The following CHRM3 variants were observed in gnomAD, a reference collection of about 807,000 sequenced individuals.
The protein encoded by CHRM3 is muscarinic acetylcholine receptor M3.
A neutral mutation model predicts 41.8 loss-of-function variants in CHRM3; 11 were observed. That is an observed-to-expected ratio of 0.26 (90% CI 0.17 to 0.44). The LOEUF (loss-of-function observed/expected upper bound fraction) is 0.44. Ranked by LOEUF, CHRM3 falls within the 20% of genes least tolerant of loss-of-function variation. CHRM3 has a pLI of 1.00. For synonymous variants in CHRM3, 297 were observed against 301.4 expected, an observed-to-expected ratio of 0.99 and a Z score of 0.15; for missense variants, 571 against 745.4, an observed-to-expected ratio of 0.77 and a Z score of 2.72.
In CHRM3 at chr1:239,471,799, C is replaced by T. The variant is rs1666138897; in HGVS notation, c.-520-20910C>T. On this transcript the variant is annotated intron_variant, in intron 1 of 6. Coordinates refer to ENST00000676153, the MANE Select transcript of CHRM3 (RefSeq NM_001375978.1). ...GAGGTCTGAGGTCTTGACTTCAGTT[C>T]CCATCAGAGACAGTGTGTCATGGGC... is the stretch of plus-strand genomic sequence containing the variant. Among the ~76,000 whole-genome samples, 3 of 152,250 alleles carry T rather than the reference C, an allele frequency of 2.0e-5. No individual in the cohort carries two copies. The South Asian group carries it at 6.2e-4, about 32-fold the overall frequency.
At position 239,387,923 on chromosome 1, in the gene CHRM3, A is replaced by G. The variant is rs551229577; in HGVS notation, c.-521+696A>G. 3.3e-5 allele frequency among the ~76,000 whole-genome samples: 5 copies of G among 152,260 alleles called. No individual in the cohort carries two copies. In the South Asian group the frequency reaches 1.0e-3, roughly 32 times the overall value. The stretch of plus-strand genomic sequence containing the variant: ...CTGCACCGGTTCTCCTCTTTGGAAC[A>G]CTTCCTCAGCATAGCCTCCTAATAG... On this transcript the variant is annotated intron_variant, in intron 1 of 6. Transcript: ENST00000676153. This position sits in a 1 kb window ranked among gnomAD's most constrained non-coding sequence, Gnocchi z 5.1.
At chr1:239,867,302 A>G (rs893005926) in intron 6 of CHRM3, among the ~76,000 whole-genome samples, 5 of 152,226 alleles carry the variant, frequency 3.3e-5, no homozygotes, top group African/African-American at 1.2e-4. Flanking sequence ...CTGTGGGTAT[A>G]TGATATTGTT....
intron 2 of CHRM3, among the ~76,000 whole-genome samples, chr1:239,521,140 T>C (rs1025958949): frequency 2.0e-5 from 3 of 152,246 alleles, no homozygotes; most frequent in African/African-American, 7.2e-5. Context: ...TCCAGAATTC[T>C]ATTATATTTA....
At chr1:239,681,300 A>G (rs7551001) in intron 5 of CHRM3, among the ~76,000 whole-genome samples, 68,303 of 151,918 alleles carry the variant, frequency 0.45, 16,278 homozygotes, top group African/African-American at 0.6. Context: ...GAAGAAGATA[A>G]GGTGTCATAA....
At chr1:239,736,836 A>T (rs1304645442) in intron 5 of CHRM3, among the ~76,000 whole-genome samples, 1 of 152,196 alleles carries the variant, frequency 6.6e-6, no homozygotes, top group East Asian at 1.9e-4. Flanking sequence ...AAATGGCTGC[A>T]ACTTAAAATA....
intron 1 of CHRM3, among the ~76,000 whole-genome samples, chr1:239,405,035 T>C (rs1179754753): frequency 6.6e-6 from 1 of 152,070 alleles, no homozygotes; most frequent in Admixed American, 6.6e-5. Context: ...AGTTTTATTT[T>C]CGTGAACAGT....
At chr1:239,603,214 GT>G (rs926806978) in intron 3 of CHRM3, among the ~76,000 whole-genome samples, 1 of 152,036 alleles carries the variant, frequency 6.6e-6, no homozygotes, top group Non-Finnish European at 1.5e-5. Flanking sequence ...AATAGGTTTT[GT>G]TTTTTGTAAG....
At chr1:239,713,394 G>T (rs187279356) in intron 5 of CHRM3, among the ~76,000 whole-genome samples, 190 of 152,174 alleles carry the variant, frequency 1.2e-3, no homozygotes, top group South Asian at 3.5e-3. Flanking sequence ...TCACAATTGT[G>T]CCTGGCCCAT....
At chr1:239,608,145 A>G (rs1029200311) in intron 3 of CHRM3, among the ~76,000 whole-genome samples, 1 of 152,224 alleles carries the variant, frequency 6.6e-6, no homozygotes, top group Non-Finnish European at 1.5e-5. Flanking sequence ...CACTATATCC[A>G]ATGTTAAATA....
chr1:239,477,932 G>A (rs1467826976), intron 1 of CHRM3, among the ~76,000 whole-genome samples: 1 of 152,146 alleles, frequency 6.6e-6, no homozygotes, highest in African/African-American at 2.4e-5. Context: ...ATTCCCTTGA[G>A]GTCAGCTGCA....
chr1:239,824,387 A>C (rs538192684), intron 5 of CHRM3, among the ~76,000 whole-genome samples: 1 of 152,300 alleles, frequency 6.6e-6, no homozygotes, highest in South Asian at 2.1e-4. Flanking sequence ...TTAATGTATA[A>C]GACAACCCAG....
At chr1:239,537,477 C>T (rs1047274037) in intron 2 of CHRM3, among the ~76,000 whole-genome samples, 3 of 151,914 alleles carry the variant, frequency 2.0e-5, no homozygotes, top group African/African-American at 7.3e-5. Flanking sequence ...ATGAGGGATC[C>T]GCCCCCATGA....
intron 4 of CHRM3, among the ~76,000 whole-genome samples, chr1:239,659,914 C>T (rs1673035126): frequency 6.6e-6 from 1 of 152,156 alleles, no homozygotes; most frequent in Non-Finnish European, 1.5e-5. Context: ...TTGCAAAGAC[C>T]ATCAGTGATC....
chr1:239,555,104 C>T (rs1660235878), intron 3 of CHRM3, among the ~76,000 whole-genome samples: 2 of 152,078 alleles, frequency 1.3e-5, no homozygotes, highest in Non-Finnish European at 1.5e-5. Context: ...AAGGAAAAAT[C>T]CTCAAGATTA....
At chr1:239,506,077 T>C (rs1668551070) in intron 2 of CHRM3, among the ~76,000 whole-genome samples, 1 of 152,082 alleles carries the variant, frequency 6.6e-6, no homozygotes, top group African/African-American at 2.4e-5. Context: ...GCATTCAGTT[T>C]TATAAAAGAA....
chr1:239,544,221 T>C (rs559061900), intron 2 of CHRM3, among the ~76,000 whole-genome samples: 6 of 152,256 alleles, frequency 3.9e-5, no homozygotes, highest in African/African-American at 1.4e-4. Context: ...CAGCTTTTCC[T>C]AGCTCCTAGT....
At chr1:239,685,973 C>CAAAG (rs140439118) in intron 5 of CHRM3, among the ~76,000 whole-genome samples, 18 of 151,752 alleles carry the variant, frequency 1.2e-4, no homozygotes, top group African/African-American at 4.4e-4. Flanking sequence ...TCAAAACAAA[C>CAAAG]AAAGACAAAA....
At chr1:239,429,021 A>G (rs1422081312) in intron 1 of CHRM3, among the ~76,000 whole-genome samples, 5 of 152,114 alleles carry the variant, frequency 3.3e-5, no homozygotes, top group Admixed American at 6.6e-5. Flanking sequence ...AGGGCATTGT[A>G]CCCAGAATTT....
intron 3 of CHRM3, among the ~76,000 whole-genome samples, chr1:239,553,958 G>A (rs1022711289): frequency 2.6e-5 from 4 of 152,054 alleles, no homozygotes; most frequent in African/African-American, 9.7e-5. Context: ...GCATGATCTC[G>A]GTTCAGTACA....
Sources: gnomAD v4.1 joint callset for allele counts (sites outside exome capture counted in the v4.1 genomes callset) on GRCh38, gnomAD v4.1.1 for gene constraint, Gnocchi (gnomAD v3.1) non-coding constraint, MANE v1.5 for transcripts, NCBI Gene and HGNC (gene_info 2026-07-23, HGNC 2026-07-21) for gene names.